Variants in SORBS2 observed in about 807,000 individuals in gnomAD.
SORBS2 encodes the protein sorbin and SH3 domain-containing protein 2.
Under a neutral mutation model 97.7 loss-of-function variants are expected in SORBS2, and 46 were observed. The observed-to-expected ratio is 0.47, with a 90% confidence interval of 0.37 to 0.60. SORBS2 has a LOEUF of 0.60. Among genes scored for constraint, SORBS2 ranks in the 20% least tolerant of loss-of-function variants. The pLI is 0.00. For synonymous variants in SORBS2, 476 were observed against 473.4 expected (o/e 1.01, Z -0.07); for missense variants, 1,316 against 1,282.3 (o/e 1.03, Z -0.40).
intron 4 of SORBS2, among the ~76,000 whole-genome samples, chr4:185,664,368 G>A (rs2097567305): frequency 1.3e-5 from 2 of 152,194 alleles, no homozygotes; most frequent in South Asian, 4.1e-4. Context: ...AAGACAGTTA[G>A]TCTCCTGTAA....
chr4:185,677,121 C>G (rs141281850), intron 4 of SORBS2: 17 of 1,551,506 alleles, frequency 1.1e-5, no homozygotes, highest in Non-Finnish European at 1.4e-5. Flanking sequence ...AAGATCCTGT[C>G]CTGAAAGGGG....
At chr4:185,842,514 T>C (rs1361323715) in intron 1 of SORBS2, among the ~76,000 whole-genome samples, 1 of 152,202 alleles carries the variant, frequency 6.6e-6, no homozygotes, top group Admixed American at 6.5e-5. Flanking sequence ...ATGAAAGTTA[T>C]ATCGTACATT....
chr4:185,884,224 G>A (rs1034383704), intron 1 of SORBS2, among the ~76,000 whole-genome samples: 3 of 152,196 alleles, frequency 2.0e-5, no homozygotes, highest in African/African-American at 7.2e-5. Flanking sequence ...AATTAAATTG[G>A]CATGTTTATA....
chr4:185,761,780 C>G (rs1480034998), intron 2 of SORBS2, among the ~76,000 whole-genome samples: 1 of 152,222 alleles, frequency 6.6e-6, no homozygotes, highest in Non-Finnish European at 1.5e-5. Flanking sequence ...ACACCCTTTC[C>G]TTACTAAGGA....
chr4:185,913,105 A>G (rs1338252491), intron 1 of SORBS2, among the ~76,000 whole-genome samples: 1 of 152,214 alleles, frequency 6.6e-6, no homozygotes, highest in Non-Finnish European at 1.5e-5. Flanking sequence ...GCAGTTCAAA[A>G]GCTACCAGCA....
chr4:185,837,048 G>T (rs1236166345), intron 1 of SORBS2, among the ~76,000 whole-genome samples: 1 of 152,194 alleles, frequency 6.6e-6, no homozygotes, highest in Non-Finnish European at 1.5e-5. Flanking sequence ...GAAGGGTTTT[G>T]AAGAGAGACT....
intron 1 of SORBS2, among the ~76,000 whole-genome samples, chr4:185,819,466 A>T (rs747326378): frequency 6.6e-6 from 1 of 152,166 alleles, no homozygotes; most frequent in Non-Finnish European, 1.5e-5. Flanking sequence ...TTGCATCCTG[A>T]GTGATAAGTA....
chr4:185,900,231 A>G (rs971963267), intron 1 of SORBS2, among the ~76,000 whole-genome samples: 1 of 152,260 alleles, frequency 6.6e-6, no homozygotes, highest in Non-Finnish European at 1.5e-5. Context: ...CATAGGACAA[A>G]TAAGTTACTA....
At chr4:185,645,569 A>T (rs969712001) in intron 4 of SORBS2, 24 of 152,234 alleles carry the variant, frequency 1.6e-4, no homozygotes, top group African/African-American at 5.5e-4. Context: ...CAAAGACTCA[A>T]TCAAGGACAC....
intron 1 of SORBS2, among the ~76,000 whole-genome samples, chr4:185,827,054 CCATCAT>C (rs1282181628): frequency 7.6e-6 from 1 of 130,756 alleles, no homozygotes; most frequent in Non-Finnish European, 1.7e-5. Flanking sequence ...ACCACCATCA[CCATCAT>C]CATCATCACC....
At chr4:185,884,287 A>G (rs568274134) in intron 1 of SORBS2, among the ~76,000 whole-genome samples, 1 of 152,294 alleles carries the variant, frequency 6.6e-6, no homozygotes, top group Admixed American at 6.5e-5. Context: ...GGATATTCTT[A>G]TAGACATAAA....
chr4:185,625,580 C>A (rs1041520362), intron 6 of SORBS2, among the ~76,000 whole-genome samples: 1 of 152,176 alleles, frequency 6.6e-6, no homozygotes, highest in Non-Finnish European at 1.5e-5. Flanking sequence ...TTATCAGAAC[C>A]CTTTTAACTT....
At chr4:185,715,754 A>G (rs1324823261) in intron 2 of SORBS2, among the ~76,000 whole-genome samples, 1 of 152,228 alleles carries the variant, frequency 6.6e-6, no homozygotes, top group Non-Finnish European at 1.5e-5. Flanking sequence ...AGCTCCATCC[A>G]TGTTTTCCTC....
intron 1 of SORBS2, among the ~76,000 whole-genome samples, chr4:185,905,557 T>C (rs1463228339): frequency 6.6e-6 from 1 of 152,246 alleles, no homozygotes; most frequent in Non-Finnish European, 1.5e-5. Flanking sequence ...AGCATAATGA[T>C]ACACCTATCA....
At chr4:185,865,478 C>T (rs907777364) in intron 1 of SORBS2, among the ~76,000 whole-genome samples, 12 of 152,092 alleles carry the variant, frequency 7.9e-5, no homozygotes, top group Admixed American at 2.6e-4. Flanking sequence ...TACCGGTCTC[C>T]CTTGAGAACT....
intron 1 of SORBS2, among the ~76,000 whole-genome samples, chr4:185,820,017 T>C (rs547052906): frequency 7.9e-5 from 12 of 152,226 alleles, no homozygotes; most frequent in Non-Finnish European, 1.6e-4. Context: ...ATTAAATCCA[T>C]TAATTAGCAT....
chr4:185,708,229 T>C (rs1234842011), intron 2 of SORBS2, among the ~76,000 whole-genome samples: 1 of 152,216 alleles, frequency 6.6e-6, no homozygotes, highest in Non-Finnish European at 1.5e-5. Context: ...CATCAATGTA[T>C]GGAATTGTGG....
chr4:185,697,714 A>G (rs758157237), intron 2 of SORBS2, among the ~76,000 whole-genome samples: 9 of 152,234 alleles, frequency 5.9e-5, no homozygotes, highest in Non-Finnish European at 8.8e-5. Context: ...GACAAATTGC[A>G]GAGTGATAAC....
rs1000865839 is a variant in SORBS2, at chr4:185,751,250, G to A, written c.-198+23977C>T. 5.4e-5 allele frequency among the ~76,000 whole-genome samples: 8 copies of A among 147,970 alleles called. No individual in the cohort carries two copies. In the East Asian group the frequency reaches 7.9e-4, roughly 15 times the overall value. ...TAGGATTGAGGTAAAGGACAGGGAC[G>A]AAATGAACTTTTTGAGAAGCATGTA... On this transcript the variant is annotated intron_variant, in intron 2 of 20. Transcript: ENST00000284776.
Sources: allele counts gnomAD v4.1 joint callset (sites outside exome capture counted in the v4.1 genomes callset), GRCh38; gene constraint gnomAD v4.1.1; transcripts MANE v1.5; gene names NCBI Gene and HGNC (gene_info 2026-07-23, HGNC 2026-07-21).